Variants in ADGRE2 observed in about 807,000 individuals in gnomAD.
The protein encoded by ADGRE2 is adhesion G protein-coupled receptor E2.
A neutral mutation model predicts 100.8 loss-of-function variants in ADGRE2; 83 were observed. The ratio of observed to expected loss-of-function variants is 0.82; its 90% CI spans 0.69 to 0.99. The LOEUF (loss-of-function observed/expected upper bound fraction) is 0.99, where lower values mean the gene tolerates loss of function less well. Among genes scored for constraint, ADGRE2 ranks in the 50% least tolerant of loss-of-function variants. The pLI, the probability that ADGRE2 is intolerant of heterozygous loss-of-function variation, is 0.00. For missense variants in ADGRE2, 814 were observed against 1,035.7 expected (o/e 0.79, Z 2.94); for synonymous variants, 355 against 413.0 (o/e 0.86, Z 1.70).
At chr19:14,773,091 A>G (rs2044273356) in intron 4 of ADGRE2, among the ~76,000 whole-genome samples, 1 of 147,062 alleles carries the variant, frequency 6.8e-6, no homozygotes, top group Non-Finnish European at 1.5e-5. Flanking sequence ...AAAAAAAAAA[A>G]AAAAAAACAA....
Position 14,754,874 on chromosome 19 carries a change from T to A in ADGRE2, c.1590+80A>T, listed in dbSNP as rs1255744908. The A allele has an allele frequency of 4.6e-6, 7 of 1,518,860 alleles. No individual in the cohort carries two copies. In the Admixed American group the frequency reaches 5.5e-5, roughly 12 times the overall value. The allele number at this position is 1,518,860 out of a possible 1,614,324, so 94.1% of individuals were successfully genotyped here. A position where few individuals can be genotyped will look rare whatever the true frequency, so the allele number is the denominator to read the frequency against. On this transcript the variant is annotated intron_variant, in intron 14 of 20. Transcript: ENST00000315576. Reference sequence around the variant, plus strand: ...CAGAGCTGTGAGATAATGCATATATTTTTTTAAAAGGCTGCTACGTCTCTG... The same window carrying A: ...CAGAGCTGTGAGATAATGCATATATATTTTTAAAAGGCTGCTACGTCTCTG...
At chr19:14,736,576 T>A (rs1373851605) in intron 20 of ADGRE2, among the ~76,000 whole-genome samples, 1 of 135,368 alleles carries the variant, frequency 7.4e-6, no homozygotes, top group African/African-American at 2.7e-5. Context: ...ATATATATAT[T>A]TCTAAATATA....
rs1390953872 is a variant in ADGRE2, at chr19:14,743,407, T to C, written c.2463+13A>G. The C allele has an allele frequency of 6.2e-7, 1 of 1,608,722 alleles. No individual in the cohort carries two copies. ...CGGTTAGTGAAGTGCTCTGGAGCAA[T>C]GCGTGATCTTACCGTGCTGGGTTTG... On this transcript the variant is annotated intron_variant, in intron 20 of 20. Coordinates refer to ENST00000315576, the MANE Select transcript of ADGRE2 (RefSeq NM_013447.4).
intron 20 of ADGRE2, among the ~76,000 whole-genome samples, chr19:14,737,869 C>T (rs939366165): frequency 6.6e-5 from 10 of 151,544 alleles, no homozygotes; most frequent in South Asian, 2.1e-4. Context: ...CCCAGCTACT[C>T]GGGAGGCTGA....
intron 11 of ADGRE2, 50 bp from the exon 12 acceptor site, chr19:14,756,395 T>G: frequency 8.0e-7 from 1 of 1,242,334 alleles, no homozygotes; most frequent in South Asian, 1.2e-5. Flanking sequence ...GAATCGTGCC[T>G]GCAGTGGTTG....
rs563844127 is a variant in ADGRE2 at position 14,742,016 on chromosome 19, C to T, written c.2463+1404G>A. 20 of 398,474 alleles carry T rather than the reference C, an allele frequency of 5.0e-5. No homozygotes were observed. The South Asian group carries it at 6.4e-4, about 13-fold the overall frequency. The allele number at this position is 398,474 out of a possible 1,614,324, so 24.7% of individuals were successfully genotyped here. Reference sequence around the variant, plus strand: ...GCTTCAAGTGATCCCCAAGTTGTCCCGGGCTCAAGTGATCTTCCTGCTTTG... The same window carrying T: ...GCTTCAAGTGATCCCCAAGTTGTCCTGGGCTCAAGTGATCTTCCTGCTTTG... On this transcript the variant is annotated intron_variant, in intron 20 of 20. Coordinates refer to ENST00000315576, the MANE Select transcript of ADGRE2 (RefSeq NM_013447.4).
intron 11 of ADGRE2, among the ~76,000 whole-genome samples, chr19:14,762,997 A>G (rs1568608856): frequency 6.6e-6 from 1 of 152,154 alleles, no homozygotes; most frequent in Non-Finnish European, 1.5e-5. Context: ...TGTTATGTGA[A>G]TTTTATCTTA....
chr19:14,768,585 G>C (rs1210980404), intron 5 of ADGRE2, among the ~76,000 whole-genome samples: 1 of 152,138 alleles, frequency 6.6e-6, no homozygotes, highest in South Asian at 2.1e-4. Context: ...AGAGGATCAG[G>C]CTTGGAGCAA....
downstream of ADGRE2, among the ~76,000 whole-genome samples, chr19:14,728,427 A>G (rs2042647491): frequency 6.6e-6 from 1 of 152,146 alleles, no homozygotes; most frequent in Admixed American, 6.5e-5. Context: ...CTCATCCCTG[A>G]GGTCTCTTCT....
chr19:14,736,327 C>G, intron 20 of ADGRE2, 83 bp from the exon 21 acceptor site: 2 of 868,592 alleles, frequency 2.3e-6, no homozygotes, highest in East Asian at 2.9e-5. Context: ...AATGGCGCAG[C>G]CTCGACTCAC....
At chr19:14,776,982 A>ACG in intron 1 of ADGRE2, 55 bp from the exon 2 acceptor site, 1 of 953,942 alleles carries the variant, frequency 1.0e-6, no homozygotes, top group Non-Finnish European at 1.4e-6. Flanking sequence ...CGCTGCACAC[A>ACG]CACACACACA....
At position 14,752,290 on chromosome 19, in the gene ADGRE2, G is replaced by A. The variant is rs201378411; in HGVS notation, c.1788+39C>T. ...CATTCCATGAGCCAGCGTGTCCTGC[G>A]TCAAGGAAGGGAGCCCTCTGGAACA... On this transcript the variant is annotated intron_variant, in intron 15 of 20. Coordinates refer to ENST00000315576, the MANE Select transcript of ADGRE2 (RefSeq NM_013447.4). The A allele has an allele frequency of 5.2e-4, 836 of 1,611,370 alleles. 4 individuals are homozygous for A. The African/African-American group carries it at 5.8e-3, about 11-fold the overall frequency.
At chr19:14,747,267 G>A (rs1292424806) in intron 16 of ADGRE2, among the ~76,000 whole-genome samples, 1 of 152,078 alleles carries the variant, frequency 6.6e-6, no homozygotes, top group Non-Finnish European at 1.5e-5. Flanking sequence ...TTGGGAGGCC[G>A]AGGTGGGAGG....
intron 5 of ADGRE2, chr19:14,771,947 C>T (rs927765550): frequency 3.5e-5 from 7 of 200,854 alleles, no homozygotes; most frequent in South Asian, 1.9e-4. Flanking sequence ...ATGAAGATGC[C>T]TGTAGCACCT....
intron 11 of ADGRE2, among the ~76,000 whole-genome samples, chr19:14,759,694 CAT>C (rs2043643348): frequency 6.6e-6 from 1 of 151,742 alleles, no homozygotes; most frequent in African/African-American, 2.4e-5. Flanking sequence ...AGGGTTTCAC[CAT>C]ATTGGCCAGG....
chr19:14,743,516 A>G lies in ADGRE2; in HGVS notation c.2367T>C (p.Tyr789=). 1 of 1,614,072 alleles carries G rather than the reference A, an allele frequency of 6.2e-7. No homozygotes were observed. Among genetic ancestry groups the G allele is most frequent in the Non-Finnish European group, 8.5e-7 (1 of 1,179,960 alleles). The change falls in exon 20 of 21, where the codon TAT becomes TAC. Residue 789 remains tyrosine, a synonymous_variant. Coordinates refer to ENST00000315576, the MANE Select transcript of ADGRE2 (RefSeq NM_013447.4). ...TCCTGATCCCTTTGGACCATTTCCC[A>G]TATTGCTCCCGGACCTGCAGAGGCA... is the stretch of plus-strand genomic sequence containing the variant. ...CLLSQQVREQ[Y]GKWSKGIRKL...
chr19:14,727,447 G>A (rs2042641030), downstream of ADGRE2, among the ~76,000 whole-genome samples: 1 of 152,156 alleles, frequency 6.6e-6, no homozygotes, highest in African/African-American at 2.4e-5. Context: ...AGCAAAGCGG[G>A]AGCAGGCACA....
chr19:14,724,431 T>C, the ADGRE2 span, among the ~76,000 whole-genome samples: 1 of 152,146 alleles, frequency 6.6e-6, no homozygotes, highest in Non-Finnish European at 1.5e-5. Flanking sequence ...CGAGGATGGG[T>C]CACACTTGGT....
At chr19:14,751,242 A>C (rs2043273521) in intron 16 of ADGRE2, among the ~76,000 whole-genome samples, 194 bp downstream of exon 16, 1 of 152,208 alleles carries the variant, frequency 6.6e-6, no homozygotes, top group Non-Finnish European at 1.5e-5. Flanking sequence ...ACCCTCTTCT[A>C]CAATGCCTAG....
Sources: gnomAD v4.1 joint callset for allele counts (sites outside exome capture counted in the v4.1 genomes callset) on GRCh38, gnomAD v4.1.1 for gene constraint, MANE v1.5 for transcripts, NCBI Gene and HGNC (gene_info 2026-07-23, HGNC 2026-07-21) for gene names.